The following RAB11B variants were observed in gnomAD, a reference collection of about 807,000 sequenced individuals.
RAB11B encodes the protein RAB11B, member RAS oncogene family.
A neutral mutation model predicts 23.7 loss-of-function variants in RAB11B; 7 were observed. That is an observed-to-expected ratio of 0.29 (90% CI 0.17 to 0.55). The LOEUF is 0.55. Among genes scored for constraint, RAB11B ranks in the 20% least tolerant of loss-of-function variants. The pLI, the probability that RAB11B is intolerant of heterozygous loss-of-function variation, is 0.93. For missense variants in RAB11B, 189 were observed against 320.0 expected, an observed-to-expected ratio of 0.59 and a Z score of 3.12; for synonymous variants, 138 against 132.0, an observed-to-expected ratio of 1.05 and a Z score of -0.31.
rs141847052 is a variant in RAB11B, at chr19:8,396,714, G to C, written c.41-3149G>C. Among the ~76,000 whole-genome samples the C allele has an allele frequency of 5.1e-3, 745 of 146,760 alleles. 4 individuals carry two copies. The highest frequency in any genetic ancestry group is 9.0e-3 in the Non-Finnish European group (598 of 66,574). On this transcript the variant is annotated intron_variant, in intron 1 of 4. Coordinates refer to ENST00000328024, the MANE Select transcript of RAB11B (RefSeq NM_004218.4). This position sits in a 1 kb window ranked among gnomAD's most constrained non-coding sequence, Gnocchi z 5.0. The stretch of plus-strand genomic sequence containing the variant: ...GTGGCTGGAGCAGAGTGAGCCGGGG[G>C]GGGGGCGGGAGGGAGGAGGGGAGGG...
intron 2 of RAB11B, 23 bp from the exon 3 acceptor site, chr19:8,402,062 GC>G: frequency 6.4e-7 from 1 of 1,552,276 alleles, no homozygotes; most frequent in Non-Finnish European, 8.7e-7. Context: ...CTCCAGAGAG[GC>G]TCATGGGCCC....
rs924357754 is a variant in RAB11B, at chr19:8,390,363, G to C, written c.-54G>C. The C allele has an allele frequency of 2.5e-5, 38 of 1,496,836 alleles. No individual in the cohort carries two copies. Among genetic ancestry groups the C allele is most frequent in the Non-Finnish European group, 3.1e-5 (35 of 1,124,782 alleles). The allele number at this position is 1,496,836 out of a possible 1,614,324, so 92.7% of individuals were successfully genotyped here. On this transcript the variant is annotated 5_prime_UTR_variant, in exon 1 of 5. Coordinates refer to ENST00000328024, the MANE Select transcript of RAB11B (RefSeq NM_004218.4). ...GCGCGGCGCCGGCTCCGCCCCCGTC[G>C]GGTGTTTGTGGTGGGGCTGCGGAGT...
In RAB11B at chr19:8,403,727, C is replaced by A; in HGVS notation, c.*169C>A. The A allele has an allele frequency of 1.0e-6, 1 of 957,930 alleles. No individual in the cohort carries two copies. The highest frequency in any genetic ancestry group is 1.7e-5 in the African/African-American group (1 of 59,714). The allele number at this position is 957,930 out of a possible 1,614,324, so 59.3% of individuals were successfully genotyped here. ...AGGACAGGAGCCAGTGCTACCCCGT[C>A]CTGCCCGGGGAAAAGCTAGAAGCCC... On this transcript the variant is annotated 3_prime_UTR_variant, in exon 5 of 5. Coordinates refer to ENST00000328024, the MANE Select transcript of RAB11B (RefSeq NM_004218.4).
At chr19:8,398,253 C>A (rs1336806658) in intron 1 of RAB11B, among the ~76,000 whole-genome samples, 1 of 152,220 alleles carries the variant, frequency 6.6e-6, no homozygotes, top group African/African-American at 2.4e-5. Context: ...CTGCTGCACA[C>A]CCCGTGTCGA....
chr19:8,401,244 C>T (rs977548049), intron 2 of RAB11B, among the ~76,000 whole-genome samples: 1 of 151,674 alleles, frequency 6.6e-6, no homozygotes, highest in South Asian at 2.1e-4. Flanking sequence ...CCACGCCTGG[C>T]TAATTTTTTG....
At position 8,390,565 on chromosome 19, in the gene RAB11B, G is replaced by A. The variant is rs1360531547; in HGVS notation, c.40+109G>A. 3.3e-6 allele frequency: 4 copies of A among 1,199,044 alleles called. No homozygotes were observed. The East Asian group carries it at 9.9e-5, about 30-fold the overall frequency. 74.3% of individuals were successfully genotyped at this position (1,199,044 alleles called of 1,614,324 possible). The stretch of plus-strand genomic sequence containing the variant: ...GGCCCAGGCCGGAGCCCGGGGCTTG[G>A]GGCCCGGCGGGTCAGGCAGCCGGGA... On this transcript the variant is annotated intron_variant, in intron 1 of 4. Transcript: ENST00000328024.
chr19:8,394,898 C>G (rs2145507904), intron 1 of RAB11B, among the ~76,000 whole-genome samples: 1 of 152,304 alleles, frequency 6.6e-6, no homozygotes, highest in Non-Finnish European at 1.5e-5. Context: ...TCAGTGCACT[C>G]CAGCCTGGGC....
intron 4 of RAB11B, 138 bp from the exon 5 acceptor site, chr19:8,403,275 C>G: frequency 8.8e-7 from 1 of 1,136,404 alleles, no homozygotes; most frequent in Non-Finnish European, 1.2e-6. Context: ...TGCGCAGCCC[C>G]TGTCCTTGTT....
intron 1 of RAB11B, among the ~76,000 whole-genome samples, chr19:8,399,504 C>T (rs759607132): frequency 2.6e-5 from 4 of 152,242 alleles, no homozygotes; most frequent in Non-Finnish European, 4.4e-5. Flanking sequence ...CTTCTCAAGC[C>T]GTGTCTGGCT....
At chr19:8,395,836 G>T (rs888364839) in intron 1 of RAB11B, among the ~76,000 whole-genome samples, 1 of 152,204 alleles carries the variant, frequency 6.6e-6, no homozygotes, top group African/African-American at 2.4e-5. Context: ...CACGTGCTGG[G>T]GTTTGGGGTA....
intron 1 of RAB11B, among the ~76,000 whole-genome samples, chr19:8,397,693 G>A (rs1041135740): frequency 2.6e-5 from 4 of 152,084 alleles, no homozygotes; most frequent in African/African-American, 9.7e-5. Flanking sequence ...CCACAGTGTG[G>A]CCAGGGGAAG....
rs199957705 is a variant in RAB11B, at chr19:8,403,426, C to T, written c.525C>T (p.Ile175=). 6.6e-5 allele frequency: 107 copies of T among 1,613,596 alleles called. No individual in the cohort carries two copies. The highest frequency in any genetic ancestry group is 6.2e-4 in the Admixed American group (37 of 59,986). ...FKNILTEIYR[I]VSQKQIADRA... Reference sequence around the variant, plus strand: ...CCCCCTTTGCAGAGATCTACCGCATCGTGTCACAGAAACAGATCGCAGACC... The same window carrying T: ...CCCCCTTTGCAGAGATCTACCGCATTGTGTCACAGAAACAGATCGCAGACC... Residue 175 remains isoleucine (I), a synonymous_variant, in exon 5 of 5, where the codon ATC becomes ATT. Coordinates refer to ENST00000328024, the MANE Select transcript of RAB11B (RefSeq NM_004218.4).
At chr19:8,392,527 G>A (rs1217079037) in intron 1 of RAB11B, among the ~76,000 whole-genome samples, 1 of 151,994 alleles carries the variant, frequency 6.6e-6, no homozygotes, top group African/African-American at 2.4e-5. Context: ...AGTCTAGCAG[G>A]TGCCCTGCTG....
At chr19:8,399,807 T>G in intron 1 of RAB11B, 56 bp from the exon 2 acceptor site, 6 of 1,576,292 alleles carry the variant, frequency 3.8e-6, no homozygotes, top group Non-Finnish European at 5.2e-6. Flanking sequence ...GGGAAGGTTG[T>G]GGGGGCAGTC....
At chr19:8,392,314 T>A (rs1568226846) in intron 1 of RAB11B, among the ~76,000 whole-genome samples, 1 of 152,198 alleles carries the variant, frequency 6.6e-6, no homozygotes, top group African/African-American at 2.4e-5. Context: ...GATTATTTCC[T>A]TGAAGTGCGT....
intron 1 of RAB11B, among the ~76,000 whole-genome samples, chr19:8,398,390 C>T (rs148077854): frequency 1.3e-5 from 2 of 152,340 alleles, no homozygotes; most frequent in East Asian, 1.9e-4. Flanking sequence ...TGTGCACCCC[C>T]CTCCTGGGAC....
At position 8,403,536 on chromosome 19, in the gene RAB11B, T is replaced by A; in HGVS notation, c.635T>A (p.Leu212Gln). The change falls in exon 5 of 5, where the codon CTG (leucine) becomes CAG (glutamine). Residue 212 changes from leucine (L) to glutamine (Q), a missense_variant. Physicochemically the swap from Leu to Gln is moderately radical, Grantham distance 113. This residue lies in a region of RAB11B where 122 missense variants were observed against 170.8 expected (regional missense o/e 0.71). Coordinates refer to ENST00000328024, the MANE Select transcript of RAB11B (RefSeq NM_004218.4). ...ACGGACGGACAGAAGCCCAACAAGC[T>A]GCAGTGCTGCCAGAACCTGTGACCC... ...PTTDGQKPNK[L>Q]QCCQNL 6.2e-7 allele frequency: 1 copy of A among 1,613,618 alleles called. No homozygotes were observed. Among genetic ancestry groups the A allele is most frequent in the Non-Finnish European group, 8.5e-7 (1 of 1,179,718 alleles).
chr19:8,393,823 TGGGCCCCCA>T (rs1407557170), intron 1 of RAB11B, among the ~76,000 whole-genome samples: 1 of 152,150 alleles, frequency 6.6e-6, no homozygotes, highest in Non-Finnish European at 1.5e-5. Flanking sequence ...CATTAGGGTC[TGGGCCCCCA>T]GGGCCACCAC....
chr19:8,390,599 G>A, intron 1 of RAB11B, 143 bp downstream of exon 1: 1 of 869,468 alleles, frequency 1.2e-6, no homozygotes, highest in Non-Finnish European at 1.6e-6. Context: ...GAAGGCCGGA[G>A]CCGACCGGGC....
Sources: gnomAD v4.1 joint callset for allele counts (sites outside exome capture counted in the v4.1 genomes callset) on GRCh38, gnomAD v4.1.1 for gene constraint, gnomAD v4.1.1 regional missense constraint, Gnocchi (gnomAD v3.1) non-coding constraint, MANE v1.5 for transcripts, NCBI Gene and HGNC (gene_info 2026-07-23, HGNC 2026-07-21) for gene names.